ELAVL4: variants seen among roughly 807,000 people sequenced by gnomAD.
The protein encoded by ELAVL4 is ELAV like RNA binding protein 4, also known as ELAV-like protein 4.
Under a neutral mutation model 35.6 loss-of-function variants are expected in ELAVL4, and 1 was observed. The observed-to-expected ratio is 0.03, with a 90% CI of 0.01 to 0.13. The LOEUF is 0.13. Ranked by LOEUF, ELAVL4 falls within the 10% of genes least tolerant of loss-of-function variation. The pLI, the probability that ELAVL4 is intolerant of heterozygous loss-of-function variation, is 1.00. For missense variants in ELAVL4, 267 were observed against 464.9 expected (o/e 0.57, Z 3.91); for synonymous variants, 156 against 171.0 (o/e 0.91, Z 0.69).
chr1:50,192,712 G>C (rs997499424), intron 3 of ELAVL4, among the ~76,000 whole-genome samples: 3 of 152,078 alleles, frequency 2.0e-5, no homozygotes, highest in Admixed American at 2.0e-4. Context: ...CATCTATTCT[G>C]AGCCATAACC....
At chr1:50,168,015 C>A (rs1678259992) in intron 2 of ELAVL4, among the ~76,000 whole-genome samples, 1 of 152,196 alleles carries the variant, frequency 6.6e-6, no homozygotes, top group Non-Finnish European at 1.5e-5. Context: ...CACCCAGGTG[C>A]ACTGCTCAAA....
chr1:50,109,818 G>A (rs1666752672), intron 1 of ELAVL4: 1 of 1,225,738 alleles, frequency 8.2e-7, no homozygotes, highest in Admixed American at 2.0e-5. Context: ...GCAGTGCCTG[G>A]CGTGTTGAGT....
intron 1 of ELAVL4, among the ~76,000 whole-genome samples, chr1:50,133,885 T>A (rs1232078845): frequency 6.6e-6 from 1 of 152,142 alleles, no homozygotes; most frequent in African/African-American, 2.4e-5. Flanking sequence ...ACTTATTATC[T>A]TCACCTTCAG....
chr1:50,175,387 T>TACACACACACACAC (rs68082703), intron 2 of ELAVL4: 2 of 142,996 alleles, frequency 1.4e-5, no homozygotes, highest in African/African-American at 2.7e-5. Flanking sequence ...CCACCACACG[T>TACACACACACACAC]ACACACACAC....
intron 1 of ELAVL4, among the ~76,000 whole-genome samples, chr1:50,053,046 G>A (rs1557676851): frequency 6.6e-6 from 1 of 152,148 alleles, no homozygotes; most frequent in East Asian, 1.9e-4. Context: ...GTTATTCACA[G>A]TATGTTAATT....
chr1:50,113,103 T>G (rs1667345572), intron 1 of ELAVL4, among the ~76,000 whole-genome samples: 1 of 152,070 alleles, frequency 6.6e-6, no homozygotes, highest in Non-Finnish European at 1.5e-5. Flanking sequence ...AATTATTGTT[T>G]GAATGGTGCT....
At chr1:50,133,605 A>AAG (rs752877499) in intron 1 of ELAVL4, among the ~76,000 whole-genome samples, 3 of 121,752 alleles carry the variant, frequency 2.5e-5, no homozygotes, top group Non-Finnish European at 5.0e-5. Context: ...AAAGAAAAGA[A>AAG]AGAAAGAAAG....
chr1:50,124,921 T>C (rs2148609566), intron 1 of ELAVL4, among the ~76,000 whole-genome samples: 1 of 152,270 alleles, frequency 6.6e-6, no homozygotes, highest in South Asian at 2.1e-4. Flanking sequence ...ATCATCATTA[T>C]TGTTATCATA....
intron 1 of ELAVL4, among the ~76,000 whole-genome samples, chr1:50,113,106 A>G (rs892786175): frequency 6.6e-6 from 1 of 152,040 alleles, no homozygotes; most frequent in South Asian, 2.1e-4. Context: ...TATTGTTTGA[A>G]TGGTGCTTTG....
At chr1:50,069,816 C>T (rs1042063455) in intron 1 of ELAVL4, among the ~76,000 whole-genome samples, 3 of 152,204 alleles carry the variant, frequency 2.0e-5, no homozygotes, top group Admixed American at 1.3e-4. Context: ...CCACACTCCT[C>T]ACCTGGGTAC....
intron 3 of ELAVL4, among the ~76,000 whole-genome samples, chr1:50,192,429 G>C (rs1288391066): frequency 6.6e-6 from 1 of 151,900 alleles, no homozygotes; most frequent in Non-Finnish European, 1.5e-5. Context: ...CAGAAGCAGG[G>C]TCCACATTAC....
At chr1:50,097,435 C>G (rs1267457467) in intron 1 of ELAVL4, among the ~76,000 whole-genome samples, 2 of 152,198 alleles carry the variant, frequency 1.3e-5, no homozygotes, top group African/African-American at 4.8e-5. Context: ...TTTATAAACT[C>G]TGACATATTA....
At chr1:50,108,656 T>G (rs746750168), upstream of ELAVL4, among the ~76,000 whole-genome samples, 2 of 152,118 alleles carry the variant, frequency 1.3e-5, no homozygotes, top group African/African-American at 4.8e-5. Context: ...ACAGTACTTT[T>G]GAGCTGGGAG....
At chr1:50,141,251 C>T (rs1453578635) in intron 1 of ELAVL4, among the ~76,000 whole-genome samples, 3 of 152,022 alleles carry the variant, frequency 2.0e-5, no homozygotes, top group African/African-American at 4.8e-5. Context: ...AATAAGCTGC[C>T]TTGGTGTGGG....
intron 4 of ELAVL4, 71 bp from the exon 5 acceptor site, chr1:50,195,490 C>A (rs1483513666): frequency 2.0e-6 from 3 of 1,532,902 alleles, no homozygotes; most frequent in African/African-American, 2.7e-5. Flanking sequence ...TCCACAGGAC[C>A]CATCTCTTCC....
intron 1 of ELAVL4, among the ~76,000 whole-genome samples, chr1:50,075,646 A>T (rs1317350577): frequency 6.6e-6 from 1 of 152,196 alleles, no homozygotes; most frequent in East Asian, 1.9e-4. Flanking sequence ...AGGTGGTCCT[A>T]TACTTACAAT....
chr1:50,119,790 A>G lies in ELAVL4; in HGVS notation c.9+10592A>G, dbSNP rs1044317465. Among the ~76,000 whole-genome samples the G allele has an allele frequency of 2.0e-5, 3 of 151,878 alleles. No individual in the cohort carries two copies. The South Asian group carries it at 6.2e-4, about 31-fold the overall frequency. ...GCTTGTAACAGATCTGTGACCATAG[A>G]GATCATCTTTCATGTTCACTCAGCC... On this transcript the variant is annotated intron_variant, in intron 1 of 6. Transcript: ENST00000371824.
rs759449442 is a variant in ELAVL4, at chr1:50,200,770, A to C, written c.774-81A>C. ...AAACACTCACTCAGCCCTCTGCCCC[A>C]TGTCTGTGTCTGTGCATCTGTGTGT... On this transcript the variant is annotated intron_variant, in intron 6 of 6. Transcript: ENST00000371824. 3.8e-6 allele frequency: 6 copies of C among 1,558,764 alleles called. No homozygotes were observed. The Admixed American group carries it at 9.2e-5, about 24-fold the overall frequency.
intron 1 of ELAVL4, among the ~76,000 whole-genome samples, chr1:50,087,810 G>A (rs1453318372): frequency 6.6e-6 from 1 of 152,194 alleles, no homozygotes; most frequent in African/African-American, 2.4e-5. Context: ...CAAACTAGGA[G>A]GAGAGTCCCC....
Sources: allele counts gnomAD v4.1 joint callset (sites outside exome capture counted in the v4.1 genomes callset), GRCh38; gene constraint gnomAD v4.1.1; transcripts MANE v1.5; gene names NCBI Gene and HGNC (gene_info 2026-07-23, HGNC 2026-07-21).